The following NRG1 variants were observed in gnomAD, a reference collection of about 807,000 sequenced individuals.
NRG1 encodes neuregulin 1.
Under a neutral mutation model 63.8 loss-of-function variants are expected in NRG1, and 18 were observed. The ratio of observed to expected loss-of-function variants is 0.28; its 90% CI spans 0.19 to 0.42. The LOEUF is 0.42. Among genes scored for constraint, NRG1 ranks in the 10% least tolerant of loss-of-function variants. The pLI, the probability that NRG1 is intolerant of heterozygous loss-of-function variation, is 1.00. For synonymous variants in NRG1, 302 were observed against 301.3 expected (o/e 1.00, Z -0.02); for missense variants, 762 against 814.7 (o/e 0.94, Z 0.79).
chr8:32,374,514 G>A (rs1049187529), intron 1 of NRG1, among the ~76,000 whole-genome samples: 2 of 152,200 alleles, frequency 1.3e-5, no homozygotes, highest in African/African-American at 4.8e-5. Context: ...CAAAGAAAAT[G>A]TTGACAATTT....
At chr8:31,853,124 G>C (rs1827437482) in intron 1 of NRG1, among the ~76,000 whole-genome samples, 1 of 152,116 alleles carries the variant, frequency 6.6e-6, no homozygotes, top group South Asian at 2.1e-4. Context: ...GAACTTTAAA[G>C]TAGTTTTTTT....
chr8:32,248,982 C>T (rs959021024), intron 1 of NRG1, among the ~76,000 whole-genome samples: 1 of 151,914 alleles, frequency 6.6e-6, no homozygotes, highest in African/African-American at 2.4e-5. Flanking sequence ...ACAGCTTTTT[C>T]CCCTACAGTA....
intron 1 of NRG1, among the ~76,000 whole-genome samples, chr8:31,691,057 G>A (rs139734508): frequency 2.3e-3 from 352 of 152,164 alleles, no homozygotes; most frequent in African/African-American, 8.3e-3. Context: ...TGGAGTCCTG[G>A]GTCACTCTAG....
chr8:31,814,982 A>G (rs1187020123), intron 1 of NRG1, among the ~76,000 whole-genome samples: 1 of 152,050 alleles, frequency 6.6e-6, no homozygotes, highest in Non-Finnish European at 1.5e-5. Flanking sequence ...TGCTAGGAGG[A>G]TCCACACCCT....
At chr8:32,309,200 G>T (rs1040678964) in intron 1 of NRG1, among the ~76,000 whole-genome samples, 1 of 152,106 alleles carries the variant, frequency 6.6e-6, no homozygotes, top group African/African-American at 2.4e-5. Context: ...GGGTACCCTT[G>T]CCTTACCAGG....
intron 1 of NRG1, among the ~76,000 whole-genome samples, chr8:32,411,002 A>G (rs1001809251): frequency 3.3e-5 from 5 of 151,890 alleles, no homozygotes; most frequent in Admixed American, 1.3e-4. Flanking sequence ...CAGCCTCCCA[A>G]GCAGCTAGGA....
intron 1 of NRG1, among the ~76,000 whole-genome samples, chr8:31,682,973 C>T (rs1465998478): frequency 6.6e-6 from 1 of 152,152 alleles, no homozygotes; most frequent in East Asian, 1.9e-4. Context: ...TAGTGAATAT[C>T]GGAGAATAAT....
intron 1 of NRG1, among the ~76,000 whole-genome samples, chr8:32,187,860 T>C (rs956530065): frequency 6.6e-6 from 1 of 152,200 alleles, no homozygotes; most frequent in Non-Finnish European, 1.5e-5. Context: ...AAAGACAACG[T>C]ACCCACTTAG....
chr8:32,467,419 T>C (rs955765093), intron 1 of NRG1, among the ~76,000 whole-genome samples: 1 of 152,112 alleles, frequency 6.6e-6, no homozygotes, highest in Non-Finnish European at 1.5e-5. Flanking sequence ...TATGCAGCCT[T>C]TTTATCGTAG....
intron 1 of NRG1, among the ~76,000 whole-genome samples, chr8:32,499,508 C>A (rs1827603982): frequency 6.6e-6 from 1 of 151,910 alleles, no homozygotes; most frequent in South Asian, 2.1e-4. Flanking sequence ...CACAGTGTGA[C>A]TCCATCTCTA....
At chr8:32,071,067 A>G (rs1825692004) in intron 1 of NRG1, among the ~76,000 whole-genome samples, 1 of 151,816 alleles carries the variant, frequency 6.6e-6, no homozygotes, top group African/African-American at 2.4e-5. Context: ...CCTCCTTCTT[A>G]TCCTTCTGCC....
At chr8:32,392,038 C>T (rs1390492707) in intron 1 of NRG1, among the ~76,000 whole-genome samples, 4 of 152,146 alleles carry the variant, frequency 2.6e-5, no homozygotes, top group African/African-American at 9.7e-5. Flanking sequence ...CTTAATGCCA[C>T]AAGTTACTCT....
chr8:32,280,884 C>T (rs1354583480), intron 1 of NRG1, among the ~76,000 whole-genome samples: 4 of 148,868 alleles, frequency 2.7e-5, no homozygotes, highest in East Asian at 2.0e-4. Flanking sequence ...CTCAGCCTCC[C>T]GAGTAGCTGG....
chr8:32,279,192 T>C (rs1439374231), intron 1 of NRG1, among the ~76,000 whole-genome samples: 1 of 152,042 alleles, frequency 6.6e-6, no homozygotes, highest in Non-Finnish European at 1.5e-5. Context: ...GAAAAAACCC[T>C]GAAGGAGATC....
At chr8:32,683,629 T>C (rs1809299644) in intron 5 of NRG1, among the ~76,000 whole-genome samples, 1 of 152,168 alleles carries the variant, frequency 6.6e-6, no homozygotes, top group South Asian at 2.1e-4. Flanking sequence ...TAATTCATCC[T>C]AATGTTTCTC....
chr8:32,357,284 A>C (rs1246111620), intron 1 of NRG1, among the ~76,000 whole-genome samples: 3 of 152,228 alleles, frequency 2.0e-5, no homozygotes, highest in African/African-American at 7.2e-5. Context: ...TAAATGACTT[A>C]TAAAAATCCT....
rs562340102 is a variant in NRG1 at position 32,321,519 on chromosome 8, TTTTC to T, written c.38-274306_38-274303del. On this transcript the variant is annotated intron_variant, in intron 1 of 10. Transcript: ENST00000519301. ...AATCTGACAGCAGTGGGTTTTTTTT[TTTTC>T]TTCTTCTTCTTTTTCTCCACCACAT... Among the ~76,000 whole-genome samples the T allele has an allele frequency of 7.5e-3, 1,117 of 149,060 alleles. 10 individuals carry two copies. The highest frequency in any genetic ancestry group is 0.026 in the African/African-American group (1,068 of 41,028).
At chr8:31,809,723 C>G in intron 1 of NRG1, among the ~76,000 whole-genome samples, 2 of 105,666 alleles carry the variant, frequency 1.9e-5, no homozygotes, top group South Asian at 3.0e-4. Flanking sequence ...AGATTTTTTT[C>G]TACTCCTTCT....
chr8:32,586,458 A>G (rs1486639567), intron 1 of NRG1, among the ~76,000 whole-genome samples: 1 of 152,162 alleles, frequency 6.6e-6, no homozygotes, highest in Non-Finnish European at 1.5e-5. Flanking sequence ...GTAGAATTTT[A>G]CAGTATTGTA....
Sources: gnomAD v4.1 joint callset for allele counts (sites outside exome capture counted in the v4.1 genomes callset) on GRCh38, gnomAD v4.1.1 for gene constraint, MANE v1.5 for transcripts, NCBI Gene and HGNC (gene_info 2026-07-23, HGNC 2026-07-21) for gene names.